Variants in CNTNAP4 observed in about 807,000 individuals in gnomAD.
The protein encoded by CNTNAP4 is contactin associated protein family member 4, also known as contactin-associated protein-like 4.
CNTNAP4 carries 98 observed loss-of-function variants against 148.4 expected under a neutral mutation model. The observed-to-expected ratio is 0.66, with a 90% CI of 0.56 to 0.78. The LOEUF (loss-of-function observed/expected upper bound fraction) is 0.78. Among genes scored for constraint, CNTNAP4 ranks in the 30% least tolerant of loss-of-function variants. The pLI is 0.00. For missense variants in CNTNAP4, 1,935 were observed against 1,565.6 expected, an observed-to-expected ratio of 1.24 and a Z score of -3.98; for synonymous variants, 730 against 565.1, an observed-to-expected ratio of 1.29 and a Z score of -4.14.
chr16:76,500,555 G>T (rs1055679361), intron 15 of CNTNAP4, among the ~76,000 whole-genome samples: 1 of 151,496 alleles, frequency 6.6e-6, no homozygotes, highest in African/African-American at 2.4e-5. Flanking sequence ...AATGTCAATG[G>T]AATCATGTCA....
At chr16:76,289,076 A>G (rs868176128) in intron 1 of CNTNAP4, among the ~76,000 whole-genome samples, 1 of 152,156 alleles carries the variant, frequency 6.6e-6, no homozygotes, top group South Asian at 2.1e-4. Flanking sequence ...CTTTTAAAAA[A>G]AAAATTTATA....
intron 2 of CNTNAP4, among the ~76,000 whole-genome samples, chr16:76,316,746 GC>G (rs1329298654): frequency 1.3e-5 from 2 of 152,144 alleles, no homozygotes; most frequent in Non-Finnish European, 2.9e-5. Context: ...CATCTGACAA[GC>G]TTTTTATATA....
At chr16:76,436,443 C>T (rs2079829529) in intron 4 of CNTNAP4, among the ~76,000 whole-genome samples, 1 of 151,574 alleles carries the variant, frequency 6.6e-6, no homozygotes, top group Non-Finnish European at 1.5e-5. Context: ...GCAGTTCAGC[C>T]ACTCACATGA....
Position 76,460,773 on chromosome 16 carries a change from A to AAAAAAAAT in CNTNAP4, c.1334-1182_1334-1181insAAAAAATA. 2.1e-3 allele frequency among the ~76,000 whole-genome samples: 118 copies of AAAAAAAAT among 57,312 alleles called. 2 individuals carry two copies. The highest frequency in any genetic ancestry group is 7.2e-3 in the African/African-American group (112 of 15,544). The allele number at this position is 57,312 out of a possible 152,430, so 37.6% of individuals were successfully genotyped here. On this transcript the variant is annotated intron_variant, in intron 8 of 23. Coordinates refer to ENST00000611870, the MANE Select transcript of CNTNAP4 (RefSeq NM_033401.5). ...TGTCTCAAAAAAAAAAAAAAAAAAA[A>AAAAAAAAT]ATATATATATATATATATATATTTA...
chr16:76,298,349 C>T (rs914338311), intron 1 of CNTNAP4, among the ~76,000 whole-genome samples: 2 of 152,082 alleles, frequency 1.3e-5, no homozygotes, highest in South Asian at 2.1e-4. Flanking sequence ...TTTCCTGGAG[C>T]AGCCATATGA....
At chr16:76,411,216 A>G (rs1227144130) in intron 3 of CNTNAP4, among the ~76,000 whole-genome samples, 1 of 151,450 alleles carries the variant, frequency 6.6e-6, no homozygotes, top group East Asian at 1.9e-4. Flanking sequence ...ATTTATTTTA[A>G]TCTGCTTAGA....
At chr16:76,513,407 C>T (rs988579914) in intron 15 of CNTNAP4, among the ~76,000 whole-genome samples, 11 of 152,208 alleles carry the variant, frequency 7.2e-5, no homozygotes, top group African/African-American at 2.4e-4. Context: ...TGAGTGTGCA[C>T]ACTTGGCATC....
intron 2 of CNTNAP4, among the ~76,000 whole-genome samples, chr16:76,340,717 C>T (rs570647302): frequency 1.8e-4 from 28 of 152,344 alleles, no homozygotes; most frequent in African/African-American, 6.7e-4. Flanking sequence ...CTGTTTTGCT[C>T]ACTTTCGTGG....
At chr16:76,416,154 T>C (rs2144955868) in intron 3 of CNTNAP4, among the ~76,000 whole-genome samples, 1 of 151,448 alleles carries the variant, frequency 6.6e-6, no homozygotes, top group East Asian at 1.9e-4. Context: ...CTTTCCCTTT[T>C]TTCCCCCATA....
intron 3 of CNTNAP4, among the ~76,000 whole-genome samples, chr16:76,360,244 G>T (rs1351841892): frequency 1.3e-5 from 2 of 152,174 alleles, no homozygotes; most frequent in Non-Finnish European, 2.9e-5. Context: ...AGTCAGTGAG[G>T]CAGAAGCACT....
chr16:76,516,997 G>A (rs918336780), intron 15 of CNTNAP4, among the ~76,000 whole-genome samples: 2 of 152,210 alleles, frequency 1.3e-5, no homozygotes, highest in Non-Finnish European at 2.9e-5. Flanking sequence ...CCGGGAGGTG[G>A]AGGTTGCAGT....
intron 8 of CNTNAP4, among the ~76,000 whole-genome samples, chr16:76,458,837 A>G (rs1803760472): frequency 6.6e-6 from 1 of 152,234 alleles, no homozygotes; most frequent in African/African-American, 2.4e-5. Context: ...GTATAGACCC[A>G]GTAATGGGAT....
Position 76,495,218 on chromosome 16 carries a change from T to C in CNTNAP4, c.2237+152T>C, listed in dbSNP as rs1037026116. ...TTAATGAAACGTGGTGTAGTCAATA[T>C]AATCGTTAGTATTAAGTCAATGCCT... On this transcript the variant is annotated intron_variant, in intron 14 of 23. Coordinates refer to ENST00000611870, the MANE Select transcript of CNTNAP4 (RefSeq NM_033401.5). The C allele has an allele frequency of 7.0e-5, 52 of 739,384 alleles. No individual in the cohort carries two copies. The African/African-American group carries it at 8.5e-4, about 12-fold the overall frequency. 45.8% of individuals were successfully genotyped at this position (739,384 alleles called of 1,614,324 possible). A position where few individuals can be genotyped will look rare whatever the true frequency, so the allele number is the denominator to read the frequency against.
In CNTNAP4 at chr16:76,560,620, C is replaced by T. The variant is rs2085377914; in HGVS notation, c.*1937C>T. Among the ~76,000 whole-genome samples the T allele has an allele frequency of 6.6e-6, 1 of 152,210 alleles. No individual in the cohort carries two copies. Among genetic ancestry groups the T allele is most frequent in the Admixed American group, 6.5e-5 (1 of 15,276 alleles). On this transcript the variant is annotated 3_prime_UTR_variant, in exon 24 of 24. Coordinates refer to ENST00000611870, the MANE Select transcript of CNTNAP4 (RefSeq NM_033401.5). ...AGGGAGGTTTATTGGTGAAGCCTCA[C>T]AGTCCTCTGTGGTCTGCACTGCTAG...
chr16:76,378,614 C>A (rs2015665863), intron 3 of CNTNAP4, among the ~76,000 whole-genome samples: 1 of 152,212 alleles, frequency 6.6e-6, no homozygotes, highest in African/African-American at 2.4e-5. Flanking sequence ...TGGTGTAAGT[C>A]TTGGGGTATC....
intron 8 of CNTNAP4, among the ~76,000 whole-genome samples, chr16:76,460,773 A>AATATATATATATATATATATAT (rs150425968): frequency 3.8e-4 from 22 of 57,296 alleles, no homozygotes; most frequent in Non-Finnish European, 4.9e-4. Context: ...AAAAAAAAAA[A>AATATATATATATATATATATAT]ATATATATAT....
chr16:76,544,026 G>A (rs1005392116), intron 21 of CNTNAP4, among the ~76,000 whole-genome samples: 1 of 152,162 alleles, frequency 6.6e-6, no homozygotes, highest in African/African-American at 2.4e-5. Context: ...AGAGCTTATG[G>A]CAGTGGGGAT....
chr16:76,554,284 A>G (rs1177515519), intron 23 of CNTNAP4, among the ~76,000 whole-genome samples: 1 of 152,176 alleles, frequency 6.6e-6, no homozygotes, highest in Non-Finnish European at 1.5e-5. Context: ...CTGCTTCTGG[A>G]AAGGTTCATG....
chr16:76,293,091 T>A (rs926299855), intron 1 of CNTNAP4, among the ~76,000 whole-genome samples: 1 of 152,160 alleles, frequency 6.6e-6, no homozygotes, highest in Non-Finnish European at 1.5e-5. Flanking sequence ...CTCTTTATAG[T>A]TATGCCTGAA....
Sources: gnomAD v4.1 joint callset for allele counts (sites outside exome capture counted in the v4.1 genomes callset) on GRCh38, gnomAD v4.1.1 for gene constraint, MANE v1.5 for transcripts, NCBI Gene and HGNC (gene_info 2026-07-23, HGNC 2026-07-21) for gene names.